The following AHR variants were observed in gnomAD, a reference collection of about 807,000 sequenced individuals.
The protein encoded by AHR is aryl hydrocarbon receptor.
AHR carries 40 observed loss-of-function variants against 86.8 expected under a neutral mutation model. The ratio of observed to expected loss-of-function variants is 0.46; its 90% CI spans 0.36 to 0.60. The LOEUF (loss-of-function observed/expected upper bound fraction) is 0.60. AHR is among the 20% of genes least tolerant of loss of function. The pLI is 0.00. For missense variants in AHR, 1,001 were observed against 1,011.6 expected (o/e 0.99, Z 0.14); for synonymous variants, 398 against 354.9 (o/e 1.12, Z -1.37).
In AHR at chr7:17,298,725, C is replaced by A; in HGVS notation, c.-540C>A. 1 of 397,388 alleles carries A rather than the reference C, an allele frequency of 2.5e-6. No homozygotes were observed. The highest frequency in any genetic ancestry group is 4.4e-6 in the Non-Finnish European group (1 of 225,370). The allele number at this position is 397,388 out of a possible 1,614,324, so 24.6% of individuals were successfully genotyped here. On this transcript the variant is annotated 5_prime_UTR_variant, in exon 1 of 11. Coordinates refer to ENST00000242057, the MANE Select transcript of AHR (RefSeq NM_001621.5). ...ACCGCCAGCTCAGAACAGGGGCAGC[C>A]GTGTAGCCGAACGGAAGCTGGGAGC...
At chr7:17,311,907 G>C (rs1290936602) in intron 2 of AHR, among the ~76,000 whole-genome samples, 1 of 152,112 alleles carries the variant, frequency 6.6e-6, no homozygotes, top group Non-Finnish European at 1.5e-5. Context: ...CTTCGCATAG[G>C]AAAGCACTGA....
chr7:17,318,639 G>T (rs1014138359), intron 2 of AHR, among the ~76,000 whole-genome samples: 2 of 152,016 alleles, frequency 1.3e-5, no homozygotes, highest in African/African-American at 4.8e-5. Context: ...CTTCCCAGCT[G>T]GTGACCTATT....
chr7:17,323,719 G>T (rs1010332347), intron 3 of AHR, among the ~76,000 whole-genome samples: 4 of 152,076 alleles, frequency 2.6e-5, no homozygotes, highest in Non-Finnish European at 4.4e-5. Context: ...TATTACAATT[G>T]TGTAATCACA....
At chr7:17,322,766 A>C (rs183132036) in intron 3 of AHR, among the ~76,000 whole-genome samples, 159 bp downstream of exon 3, 1 of 152,178 alleles carries the variant, frequency 6.6e-6, no homozygotes, top group Non-Finnish European at 1.5e-5. Flanking sequence ...AATACATGAA[A>C]AACTGGAATT....
At chr7:17,329,851 C>A in intron 4 of AHR, 101 bp from the exon 5 acceptor site, 3 of 1,027,882 alleles carry the variant, frequency 2.9e-6, no homozygotes, top group Middle Eastern at 3.0e-4. Context: ...GTATTCATCA[C>A]CACTAGCAAG....
rs1384596660 is a variant in AHR at position 17,343,696 on chromosome 7, G to T, written c.*632G>T. 2 of 151,904 alleles carry T rather than the reference G, an allele frequency of 1.3e-5. No individual in the cohort carries two copies. The highest frequency in any genetic ancestry group is 2.9e-5 in the Non-Finnish European group (2 of 67,876). 9.4% of individuals were successfully genotyped at this position (151,904 alleles called of 1,614,324 possible). A position where few individuals can be genotyped will look rare whatever the true frequency, so the allele number is the denominator to read the frequency against. On this transcript the variant is annotated 3_prime_UTR_variant, in exon 11 of 11. Coordinates refer to ENST00000242057, the MANE Select transcript of AHR (RefSeq NM_001621.5). The stretch of plus-strand genomic sequence containing the variant: ...TTCTTTTTTAAATTAATATCTTTCT[G>T]CACACAAATATTATTTGTGTTTCCT...
intron 2 of AHR, among the ~76,000 whole-genome samples, chr7:17,310,509 C>T (rs1273158048): frequency 6.6e-6 from 1 of 151,142 alleles, no homozygotes; most frequent in Admixed American, 6.6e-5. Context: ...TTTTATTTAT[C>T]CCTCCAAACT....
intron 8 of AHR, among the ~76,000 whole-genome samples, chr7:17,335,260 G>T (rs960786279): frequency 6.6e-6 from 1 of 152,084 alleles, no homozygotes; most frequent in East Asian, 1.9e-4. Context: ...TAATTACATC[G>T]TTATCAATTC....
chr7:17,331,127 G>A (rs1425678723), intron 6 of AHR, among the ~76,000 whole-genome samples: 1 of 151,882 alleles, frequency 6.6e-6, no homozygotes, highest in East Asian at 1.9e-4. Flanking sequence ...CTTATTTGAA[G>A]ATGATCTGAT....
Position 17,299,178 on chromosome 7 carries a change from G to T in AHR, c.-87G>T. The T allele has an allele frequency of 7.0e-7, 1 of 1,428,390 alleles. No homozygotes were observed. The allele number at this position is 1,428,390 out of a possible 1,614,324, so 88.5% of individuals were successfully genotyped here. A position where few individuals can be genotyped will look rare whatever the true frequency, so the allele number is the denominator to read the frequency against. On this transcript the variant is annotated 5_prime_UTR_variant, in exon 1 of 11. Coordinates refer to ENST00000242057, the MANE Select transcript of AHR (RefSeq NM_001621.5). ...CGCGGCTTCGCGGAACCCGGCGCCGGCCGCCGCAGTGGTCCCAGCCTACAC... is the reference window on the plus strand; with the variant it reads ...CGCGGCTTCGCGGAACCCGGCGCCGTCCGCCGCAGTGGTCCCAGCCTACAC...
intron 10 of AHR, among the ~76,000 whole-genome samples, chr7:17,340,798 C>A (rs768162528): frequency 1.3e-5 from 2 of 152,120 alleles, no homozygotes; most frequent in Non-Finnish European, 2.9e-5. Flanking sequence ...CACATTACCT[C>A]CCCTATCCTC....
At chr7:17,325,596 A>G (rs932934387) in intron 3 of AHR, among the ~76,000 whole-genome samples, 15 of 152,218 alleles carry the variant, frequency 9.9e-5, no homozygotes, top group African/African-American at 2.7e-4. Flanking sequence ...CAGGTATTAC[A>G]TATCATATTT....
At chr7:17,335,294 CAAT>C (rs1231981274) in intron 8 of AHR, among the ~76,000 whole-genome samples, 1 of 151,892 alleles carries the variant, frequency 6.6e-6, no homozygotes, top group Non-Finnish European at 1.5e-5. Context: ...AATATTGTAA[CAAT>C]AATAGTGTTA....
At chr7:17,311,904 T>A (rs1321327556) in intron 2 of AHR, among the ~76,000 whole-genome samples, 1 of 152,218 alleles carries the variant, frequency 6.6e-6, no homozygotes, top group Non-Finnish European at 1.5e-5. Flanking sequence ...AACCTTCGCA[T>A]AGGAAAGCAC....
intron 10 of AHR, among the ~76,000 whole-genome samples, chr7:17,340,956 TTAAATC>T (rs1375948404): frequency 6.6e-6 from 1 of 152,166 alleles, no homozygotes; most frequent in Non-Finnish European, 1.5e-5. Flanking sequence ...TGAGCACACT[TTAAATC>T]TAAAAATGAT....
chr7:17,344,250 T>A lies in AHR; in HGVS notation c.*1186T>A, dbSNP rs1782458222. 1.3e-5 allele frequency: 2 copies of A among 152,738 alleles called. No homozygotes were observed. Among genetic ancestry groups the A allele is most frequent in the Non-Finnish European group, 2.9e-5 (2 of 68,026 alleles). 9.5% of individuals were successfully genotyped at this position (152,738 alleles called of 1,614,324 possible). ...ATGTGTTTTTCTCATATTTGAGGAG[T>A]GTTAAGATTGCAGATAGCAAGGTTT... On this transcript the variant is annotated 3_prime_UTR_variant, in exon 11 of 11. Coordinates refer to ENST00000242057, the MANE Select transcript of AHR (RefSeq NM_001621.5).
Position 17,339,635 on chromosome 7 carries a change from T to C in AHR, c.1810T>C (p.Ser604Pro). ...FIPSDYQQQQ[S>P]LALNSSCMVQ... is the part of the protein sequence containing the mutation. ...ACCTTCAGATTATCAACAGCAACAG[T>C]CCTTGGCTCTGAACTCAAGCTGTAT... is the stretch of plus-strand genomic sequence containing the variant. Residue 604 changes from serine (S) to proline (P), a missense_variant, in exon 10 of 11, where the codon TCC (serine) becomes CCC (proline). Physicochemically the swap from Ser to Pro is moderately conservative, Grantham distance 74 (BLOSUM62 -1). Around this residue, in one of 2 missense-constraint regions of AHR, gnomAD observed 607 missense variants for 543.1 expected, o/e 1.12. Coordinates refer to ENST00000242057, the MANE Select transcript of AHR (RefSeq NM_001621.5). 1.2e-6 allele frequency: 2 copies of C among 1,614,066 alleles called. No individual in the cohort carries two copies. Among genetic ancestry groups the C allele is most frequent in the Middle Eastern group, 3.3e-4 (2 of 6,062 alleles).
Position 17,339,149 on chromosome 7 carries a change from A to G in AHR, c.1324A>G (p.Thr442Ala), listed in dbSNP as rs1158455207. Residue 442 changes from threonine to alanine, a missense_variant, in exon 10 of 11, where the codon ACC (threonine) becomes GCC (alanine). Around this residue, in one of 2 missense-constraint regions of AHR, gnomAD observed 607 missense variants for 543.1 expected, o/e 1.12. Transcript: ENST00000242057. ...KNGTSGKDSA[T>A]TSTLSKDSLN... is the part of the protein sequence containing the mutation. ...TGGCACTAGTGGAAAAGACTCTGCT[A>G]CCACATCCACTCTAAGCAAGGACTC... 1 of 1,614,172 alleles carries G rather than the reference A, an allele frequency of 6.2e-7. No individual in the cohort carries two copies. Among genetic ancestry groups the G allele is most frequent in the Admixed American group, 1.7e-5 (1 of 60,022 alleles).
In AHR at chr7:17,339,572, A is replaced by G; in HGVS notation, c.1747A>G (p.Thr583Ala). The change falls in exon 10 of 11, where the codon ACG becomes GCG. Residue 583 changes from threonine to alanine, a missense_variant. By Grantham distance (58) the Thr-to-Ala change is moderately conservative. Transcript: ENST00000242057. ...RDIDLTDEILTYVQDSLSKSP... is the reference protein window; with the variant it reads ...RDIDLTDEILAYVQDSLSKSP... ...CATTGACTTAACGGATGAAATCCTG[A>G]CGTATGTCCAAGATTCTTTAAGTAA... is the stretch of plus-strand genomic sequence containing the variant. The G allele has an allele frequency of 6.2e-7, 1 of 1,614,184 alleles. No individual in the cohort carries two copies. The highest frequency in any genetic ancestry group is 8.5e-7 in the Non-Finnish European group (1 of 1,180,040).
Sources: allele counts gnomAD v4.1 joint callset (sites outside exome capture counted in the v4.1 genomes callset), GRCh38; gene constraint gnomAD v4.1.1; regional missense constraint gnomAD v4.1.1; transcripts MANE v1.5; gene names NCBI Gene and HGNC (gene_info 2026-07-23, HGNC 2026-07-21).